Variants in TRAPPC9 observed in about 807,000 individuals in gnomAD.
TRAPPC9 encodes the protein IKK2 binding protein.
TRAPPC9 carries 83 observed loss-of-function variants against 124.0 expected under a neutral mutation model. That is an observed-to-expected ratio of 0.67 (90% CI 0.56 to 0.80). The LOEUF is 0.80. Ranked by LOEUF, TRAPPC9 falls within the 30% of genes least tolerant of loss-of-function variation. The pLI, the probability that TRAPPC9 is intolerant of heterozygous loss-of-function variation, is 0.00. For missense variants in TRAPPC9, 1,302 were observed against 1,508.3 expected, an observed-to-expected ratio of 0.86 and a Z score of 2.27; for synonymous variants, 638 against 617.5, an observed-to-expected ratio of 1.03 and a Z score of -0.49.
In TRAPPC9 at chr8:140,291,017, C is replaced by T. The variant is rs368998062; in HGVS notation, c.1830G>A (p.Pro610=). The T allele has an allele frequency of 2.6e-5, 42 of 1,614,056 alleles. No individual in the cohort carries two copies. Among genetic ancestry groups the T allele is most frequent in the South Asian group, 1.4e-4 (13 of 91,086 alleles). Residue 610 remains proline (P), a synonymous_variant, in exon 12 of 23, where the codon CCG becomes CCA. Coordinates refer to ENST00000438773, the MANE Select transcript of TRAPPC9 (RefSeq NM_001160372.4). ...CCATGTTTTCAACTCGAAGTTCAAA[C>T]GGCATTGGGTTATATACCATCAGCT... ...EVQLMVYNPM[P]FELRVENMGL...
intron 8 of TRAPPC9, among the ~76,000 whole-genome samples, chr8:140,361,491 T>G (rs2067952863): frequency 6.6e-6 from 1 of 152,192 alleles, no homozygotes; most frequent in Non-Finnish European, 1.5e-5. Context: ...AAGTTAAAGT[T>G]ATAAGGCTTC....
chr8:140,054,703 AGAG>A (rs1287377072), intron 17 of TRAPPC9, among the ~76,000 whole-genome samples: 6 of 152,194 alleles, frequency 3.9e-5, no homozygotes, highest in Non-Finnish European at 7.3e-5. Flanking sequence ...CAGAAATGAA[AGAG>A]GAGACATTAC....
intron 18 of TRAPPC9, among the ~76,000 whole-genome samples, chr8:140,004,700 C>T (rs1838636505): frequency 6.6e-6 from 1 of 152,160 alleles, no homozygotes; most frequent in Non-Finnish European, 1.5e-5. Context: ...TCAATATCGA[C>T]TCAGCTAAAA....
chr8:140,200,402 C>G (rs1336962464), intron 17 of TRAPPC9, among the ~76,000 whole-genome samples: 2 of 152,080 alleles, frequency 1.3e-5, no homozygotes, highest in Non-Finnish European at 2.9e-5. Flanking sequence ...AGAGTGTGAG[C>G]TCCACTTAGT....
At chr8:140,205,082 A>C (rs1224863578) in intron 17 of TRAPPC9, among the ~76,000 whole-genome samples, 2 of 152,240 alleles carry the variant, frequency 1.3e-5, no homozygotes, top group African/African-American at 4.8e-5. Flanking sequence ...TATGTGTAGG[A>C]ATACTCAAAG....
intron 21 of TRAPPC9, among the ~76,000 whole-genome samples, chr8:139,745,312 C>A (rs1238781819): frequency 6.6e-6 from 1 of 152,210 alleles, no homozygotes; most frequent in East Asian, 1.9e-4. Flanking sequence ...CTTCTGCTTC[C>A]TTGTCTAAAA....
At chr8:139,906,246 C>T (rs2131253807) in intron 20 of TRAPPC9, among the ~76,000 whole-genome samples, 1 of 152,366 alleles carries the variant, frequency 6.6e-6, no homozygotes, top group South Asian at 2.1e-4. Context: ...AACAGGTCAC[C>T]CTGTCCACAG....
At position 140,256,136 on chromosome 8, in the gene TRAPPC9, A is replaced by G. The variant is rs75878011; in HGVS notation, c.2279-3207T>C. Among the ~76,000 whole-genome samples the G allele has an allele frequency of 8.5e-3, 1,290 of 152,366 alleles. 16 individuals are homozygous for G. Among genetic ancestry groups the G allele is most frequent in the African/African-American group, 0.03 (1,231 of 41,598 alleles). Reference sequence around the variant, plus strand: ...AAAACACTGGTCGCTTTGGTATTTCATGATGACAACAGGCTACTGAATTCT... The same window carrying G: ...AAAACACTGGTCGCTTTGGTATTTCGTGATGACAACAGGCTACTGAATTCT... On this transcript the variant is annotated intron_variant, in intron 15 of 22. Transcript: ENST00000438773.
At chr8:139,749,643 A>G (rs557975391) in intron 21 of TRAPPC9, among the ~76,000 whole-genome samples, 1 of 152,330 alleles carries the variant, frequency 6.6e-6, no homozygotes, top group African/African-American at 2.4e-5. Flanking sequence ...GAGGTTAAAC[A>G]GACTCTTGAT....
rs987247833 is a variant in TRAPPC9 at position 140,343,514 on chromosome 8, C to T, written c.1495+16536G>A. On this transcript the variant is annotated intron_variant, in intron 9 of 22. Transcript: ENST00000438773. ...GGCCGCGAAAGGACGCAGAATTCCT[C>T]TAGGGGTGACAAGGCAGCAAAGGTG... Among the ~76,000 whole-genome samples the T allele has an allele frequency of 1.1e-4, 17 of 152,218 alleles. 1 individual carries two copies. Among genetic ancestry groups the T allele is most frequent in the Admixed American group, 1.0e-3 (16 of 15,282 alleles).
At chr8:139,981,678 A>T (rs1406066927) in intron 19 of TRAPPC9, among the ~76,000 whole-genome samples, 1 of 152,254 alleles carries the variant, frequency 6.6e-6, no homozygotes, top group South Asian at 2.1e-4. Flanking sequence ...GATAAACAGG[A>T]AAGTGCAGCA....
chr8:139,750,092 C>G (rs1819212944), intron 21 of TRAPPC9, among the ~76,000 whole-genome samples: 1 of 152,116 alleles, frequency 6.6e-6, no homozygotes. Flanking sequence ...GGGCTGGATA[C>G]AGGAGGGTCC....
At chr8:139,816,568 T>C (rs1202318835) in intron 21 of TRAPPC9, among the ~76,000 whole-genome samples, 131 of 151,150 alleles carry the variant, frequency 8.7e-4, no homozygotes, top group Non-Finnish European at 1.2e-3. Flanking sequence ...GAGAGTCCCC[T>C]CCCACCCCAC....
At chr8:140,432,264 C>T (rs890821049) in intron 4 of TRAPPC9, among the ~76,000 whole-genome samples, 1 of 152,088 alleles carries the variant, frequency 6.6e-6, no homozygotes, top group Admixed American at 6.6e-5. Context: ...TTTTAAAATA[C>T]GATGCTCAGA....
At chr8:139,856,598 G>T (rs968218967) in intron 21 of TRAPPC9, among the ~76,000 whole-genome samples, 3 of 152,152 alleles carry the variant, frequency 2.0e-5, no homozygotes, top group African/African-American at 7.2e-5. Flanking sequence ...AGCGGCGGGG[G>T]GTGGCGTGCA....
At chr8:140,419,120 C>T (rs141222775) in intron 5 of TRAPPC9, among the ~76,000 whole-genome samples, 4,295 of 151,856 alleles carry the variant, frequency 0.028, 215 homozygotes, top group African/African-American at 0.098. Flanking sequence ...GGTGAAACCC[C>T]GTCTCTACTA....
chr8:140,338,378 T>C (rs1033585411), intron 9 of TRAPPC9, among the ~76,000 whole-genome samples: 28 of 152,354 alleles, frequency 1.8e-4, no homozygotes, highest in African/African-American at 6.5e-4. Context: ...TGTCAGTCAC[T>C]GTGGCCTCCT....
chr8:139,969,376 G>C (rs1276196146), intron 19 of TRAPPC9, among the ~76,000 whole-genome samples: 1 of 152,212 alleles, frequency 6.6e-6, no homozygotes, highest in Non-Finnish European at 1.5e-5. Flanking sequence ...TGCAGCGCCT[G>C]GTGCGTGGCT....
intron 8 of TRAPPC9, among the ~76,000 whole-genome samples, chr8:140,362,565 A>G (rs960665784): frequency 2.6e-5 from 4 of 152,180 alleles, no homozygotes; most frequent in African/African-American, 4.8e-5. Context: ...ACACTACTTT[A>G]TATCTTAGTA....
Sources: gnomAD v4.1 joint callset for allele counts (sites outside exome capture counted in the v4.1 genomes callset) on GRCh38, gnomAD v4.1.1 for gene constraint, MANE v1.5 for transcripts, NCBI Gene and HGNC (gene_info 2026-07-23, HGNC 2026-07-21) for gene names.